Variants in ZFHX3 observed in about 807,000 individuals in gnomAD.
ZFHX3 encodes zinc finger homeobox protein 3.
Under a neutral mutation model 279.1 loss-of-function variants are expected in ZFHX3, and 42 were observed. That is an observed-to-expected ratio of 0.15 (90% CI 0.12 to 0.19). The LOEUF (loss-of-function observed/expected upper bound fraction) is 0.19, where lower values mean the gene tolerates loss of function less well. ZFHX3 is among the 10% of genes least tolerant of loss of function. ZFHX3 has a pLI of 1.00. For missense variants in ZFHX3, 4,981 were observed against 4,754.0 expected, an observed-to-expected ratio of 1.05 and a Z score of -1.40; for synonymous variants, 2,293 against 1,957.8, an observed-to-expected ratio of 1.17 and a Z score of -4.52.
At chr16:73,754,647 G>GC (rs1320913145) in intron 1 of ZFHX3, among the ~76,000 whole-genome samples, 3 of 152,054 alleles carry the variant, frequency 2.0e-5, no homozygotes, top group African/African-American at 7.2e-5. Flanking sequence ...AGGCTACTTT[G>GC]TTTTTCAGAC....
At chr16:73,465,327 G>A (rs867775025) in intron 2 of ZFHX3, among the ~76,000 whole-genome samples, 5 of 152,196 alleles carry the variant, frequency 3.3e-5, no homozygotes, top group African/African-American at 9.6e-5. Context: ...TCTTCAGGGC[G>A]TGTATTTTCC....
Position 72,959,071 on chromosome 16 carries a change from C to G in ZFHX3, c.1075G>C (p.Gly359Arg). Residue 359 changes from glycine to arginine, a missense_variant, in exon 2 of 10, where the codon GGC becomes CGC. Around this residue, in one of 7 missense-constraint regions of ZFHX3, gnomAD observed 1,068 missense variants for 935.2 expected, o/e 1.14. Transcript: ENST00000268489. ...HPLVSTANLI[G>R]PGHSFYGKFS... ...TTACCATAAAAACTGTGTCCGGGGC[C>G]TATGAGGTTAGCTGTGGAAACTAAA... 1 of 1,614,192 alleles carries G rather than the reference C, an allele frequency of 6.2e-7. No homozygotes were observed. The highest frequency in any genetic ancestry group is 1.3e-5 in the African/African-American group (1 of 75,046).
chr16:73,233,108 C>CAAAAAAAA (rs58902113), intron 5 of ZFHX3: 1 of 102,872 alleles, frequency 9.7e-6, no homozygotes, highest in African/African-American at 3.9e-5. Flanking sequence ...GGACCAGAGC[C>CAAAAAAAA]AAAAAAAAAA....
intron 1 of ZFHX3, among the ~76,000 whole-genome samples, chr16:73,803,368 A>G (rs1960190735): frequency 6.6e-6 from 1 of 152,220 alleles, no homozygotes; most frequent in African/African-American, 2.4e-5. Flanking sequence ...TAAGACCTTG[A>G]TAATAGCTAG....
At chr16:72,931,147 A>C (rs1805539323) in intron 3 of ZFHX3, among the ~76,000 whole-genome samples, 1 of 152,094 alleles carries the variant, frequency 6.6e-6, no homozygotes, top group South Asian at 2.1e-4. Context: ...TACCCATTCA[A>C]TTCACCATTC....
chr16:73,465,036 C>G (rs1235052280), intron 2 of ZFHX3, among the ~76,000 whole-genome samples: 2 of 152,176 alleles, frequency 1.3e-5, no homozygotes, highest in Non-Finnish European at 2.9e-5. Context: ...CTGGCACGAT[C>G]ATTAGATGAG....
chr16:73,203,196 G>A (rs1567417389), intron 5 of ZFHX3, among the ~76,000 whole-genome samples: 6 of 152,178 alleles, frequency 3.9e-5, no homozygotes, highest in South Asian at 2.1e-4. Flanking sequence ...CTTGAGGGTC[G>A]AGACTATGCA....
At chr16:72,988,382 G>C (rs1217271510) in intron 1 of ZFHX3, among the ~76,000 whole-genome samples, 3 of 152,182 alleles carry the variant, frequency 2.0e-5, no homozygotes, top group Non-Finnish European at 4.4e-5. Context: ...CTGGTACACG[G>C]ACCCAAGATC....
At chr16:73,646,251 G>A (rs534155404) in intron 2 of ZFHX3, among the ~76,000 whole-genome samples, 1 of 152,148 alleles carries the variant, frequency 6.6e-6, no homozygotes, top group African/African-American at 2.4e-5. Context: ...GGAATGCTAT[G>A]ATAGATTGAT....
At chr16:73,416,449 T>G (rs762120852) in intron 3 of ZFHX3, among the ~76,000 whole-genome samples, 1 of 152,130 alleles carries the variant, frequency 6.6e-6, no homozygotes, top group Non-Finnish European at 1.5e-5. Context: ...AAACCAGTAT[T>G]GGACTCATTC....
chr16:73,642,082 A>T (rs2052578322), intron 2 of ZFHX3, among the ~76,000 whole-genome samples: 1 of 152,128 alleles, frequency 6.6e-6, no homozygotes, highest in African/African-American at 2.4e-5. Flanking sequence ...TAAAGAGGGA[A>T]GGTGGTCCGT....
Position 72,798,313 on chromosome 16 carries a change from C to T in ZFHX3, c.4369G>A (p.Glu1457Lys), listed in dbSNP as rs750170404. The change falls in exon 9 of 10, where the codon GAG (glutamate) becomes AAG (lysine). Residue 1457 changes from glutamate (E) to lysine (K), a missense_variant. By Grantham distance (56) the Glu-to-Lys change is moderately conservative. Transcript: ENST00000268489. The part of the protein sequence containing the change: ...HLETSHLELS[E>K]ADIQQLYGGL... ...CCATAAAGCTGTTGGATGTCAGCCT[C>T]ACTCAGCTCCAGGTGGCTTGTCTCA... 1.2e-6 allele frequency: 2 copies of T among 1,614,222 alleles called. No homozygotes were observed. The highest frequency in any genetic ancestry group is 1.7e-6 in the Non-Finnish European group (2 of 1,180,040).
chr16:73,452,947 C>T (rs2018301755), intron 3 of ZFHX3, among the ~76,000 whole-genome samples: 1 of 152,186 alleles, frequency 6.6e-6, no homozygotes, highest in African/African-American at 2.4e-5. Context: ...ACCTTTGGTC[C>T]ACTTTGCTGC....
intron 4 of ZFHX3, among the ~76,000 whole-genome samples, chr16:72,857,910 G>C (rs149939324): frequency 2.0e-5 from 3 of 152,298 alleles, no homozygotes; most frequent in Non-Finnish European, 4.4e-5. Context: ...TTCAGACAAA[G>C]GCAGGGTTTT....
At chr16:73,878,808 A>G (rs62041529) in intron 1 of ZFHX3, among the ~76,000 whole-genome samples, 17,289 of 151,872 alleles carry the variant, frequency 0.11, 1,276 homozygotes, top group Middle Eastern at 0.2. Flanking sequence ...TCTCCACTGG[A>G]CAGACTACAA....
At chr16:73,379,379 G>C (rs2016781787) in intron 3 of ZFHX3, among the ~76,000 whole-genome samples, 1 of 152,234 alleles carries the variant, frequency 6.6e-6, no homozygotes. Flanking sequence ...TCTCAGTGCT[G>C]TATTGTGGGC....
At chr16:73,527,656 C>T (rs1337973365) in intron 2 of ZFHX3, among the ~76,000 whole-genome samples, 1 of 152,222 alleles carries the variant, frequency 6.6e-6, no homozygotes, top group East Asian at 1.9e-4. Flanking sequence ...GTCTTCCTTG[C>T]TCTCTTTCAC....
intron 3 of ZFHX3, among the ~76,000 whole-genome samples, chr16:73,346,769 G>A (rs535818809): frequency 6.6e-6 from 1 of 152,204 alleles, no homozygotes; most frequent in Non-Finnish European, 1.5e-5. Context: ...ACTGTGCCCA[G>A]TCTGTCATGC....
intron 2 of ZFHX3, among the ~76,000 whole-genome samples, chr16:73,513,365 C>G (rs825827): frequency 0.64 from 97,658 of 152,004 alleles, 32,158 homozygotes; most frequent in East Asian, 0.99. Flanking sequence ...GCCTGAGAAG[C>G]TCCAGAACAG....
Sources: gnomAD v4.1 joint callset for allele counts (sites outside exome capture counted in the v4.1 genomes callset) on GRCh38, gnomAD v4.1.1 for gene constraint, gnomAD v4.1.1 regional missense constraint, MANE v1.5 for transcripts, NCBI Gene and HGNC (gene_info 2026-07-23, HGNC 2026-07-21) for gene names.